The following RAB2B variants were observed in gnomAD, a reference collection of about 807,000 sequenced individuals.
RAB2B encodes the protein RAB2B, member RAS oncogene family, also known as ras-related protein Rab-2B.
RAB2B carries 20 observed loss-of-function variants against 29.8 expected under a neutral mutation model. The observed-to-expected ratio is 0.67, with a 90% CI of 0.47 to 0.97. The LOEUF (loss-of-function observed/expected upper bound fraction) is 0.97. Among genes scored for constraint, RAB2B ranks in the 50% least tolerant of loss-of-function variants. The pLI is 0.00. For missense variants in RAB2B, 218 were observed against 272.0 expected, an observed-to-expected ratio of 0.80 and a Z score of 1.40; for synonymous variants, 93 against 91.7, an observed-to-expected ratio of 1.01 and a Z score of -0.08.
In RAB2B at chr14:21,459,311, G is replaced by T. The variant is rs906225162; in HGVS notation, c.*1885C>A. 1.3e-5 allele frequency: 2 copies of T among 152,204 alleles called. No individual in the cohort carries two copies. The highest frequency in any genetic ancestry group is 4.8e-5 in the African/African-American group (2 of 41,436). The allele number at this position is 152,204 out of a possible 1,614,324, so 9.4% of individuals were successfully genotyped here. ...TCATGGAATGGAGGCAAAAAGCCAG[G>T]GAAAGGTGGGAGGGGAGAAGGAAGA... On this transcript the variant is annotated 3_prime_UTR_variant, in exon 8 of 8. Transcript: ENST00000397762.
At chr14:21,474,211 G>C (rs535867636) in intron 3 of RAB2B, among the ~76,000 whole-genome samples, 3 of 152,178 alleles carry the variant, frequency 2.0e-5, no homozygotes, top group African/African-American at 7.2e-5. Context: ...AATGCTCAGT[G>C]AAATTCTGCA....
At position 21,461,229 on chromosome 14, in the gene RAB2B, A is replaced by G. The variant is rs1566465246; in HGVS notation, c.618T>C (p.Ser206=). ...SVGPSASQRN[S]RDIGSNSGCC is the part of the protein sequence containing the mutation. ...AGCCAGAGTTGGACCCTATGTCACG[A>G]GAGTTCCGCTGGGAGGCACTGGGTC... Residue 206 remains serine, a synonymous_variant, in exon 8 of 8, where the codon TCT becomes TCC. Coordinates refer to ENST00000397762, the MANE Select transcript of RAB2B (RefSeq NM_032846.4). 1.9e-6 allele frequency: 3 copies of G among 1,613,842 alleles called. No individual in the cohort carries two copies. The highest frequency in any genetic ancestry group is 1.1e-5 in the South Asian group (1 of 91,042).
At position 21,459,708 on chromosome 14, in the gene RAB2B, C is replaced by T. The variant is rs1249954510; in HGVS notation, c.*1488G>A. On this transcript the variant is annotated 3_prime_UTR_variant, in exon 8 of 8. Transcript: ENST00000397762. ...CTAAGGAATATTGTGTTAATAACTG[C>T]TTAGCAGTACCTAAGTCTGTTACTA... The T allele has an allele frequency of 6.5e-6, 1 of 154,660 alleles. No individual in the cohort carries two copies. The highest frequency in any genetic ancestry group is 1.9e-4 in the East Asian group (1 of 5,312). The allele number at this position is 154,660 out of a possible 1,614,324, so 9.6% of individuals were successfully genotyped here.
chr14:21,459,357 T>C lies in RAB2B; in HGVS notation c.*1839A>G, dbSNP rs530436176. 2.0e-5 allele frequency: 3 copies of C among 152,164 alleles called. No individual in the cohort carries two copies. Among genetic ancestry groups the C allele is most frequent in the Admixed American group, 2.0e-4 (3 of 15,282 alleles). The allele number at this position is 152,164 out of a possible 1,614,324, so 9.4% of individuals were successfully genotyped here. On this transcript the variant is annotated 3_prime_UTR_variant, in exon 8 of 8. Coordinates refer to ENST00000397762, the MANE Select transcript of RAB2B (RefSeq NM_032846.4). ...GAAGAGAACTGTATAAAACCCAGGGTAAACAAATGAGTGGGGCAGAATTAC... is the reference window on the plus strand; with the variant it reads ...GAAGAGAACTGTATAAAACCCAGGGCAAACAAATGAGTGGGGCAGAATTAC...
In RAB2B at chr14:21,473,798, G is replaced by T. The variant is rs1890877943; in HGVS notation, c.186+1069C>A. Among the ~76,000 whole-genome samples, 5 of 151,796 alleles carry T rather than the reference G, an allele frequency of 3.3e-5. No homozygotes were observed. The South Asian group carries it at 1.0e-3, about 31-fold the overall frequency. On this transcript the variant is annotated intron_variant, in intron 3 of 7. Coordinates refer to ENST00000397762, the MANE Select transcript of RAB2B (RefSeq NM_032846.4). ...GAGGCTGAGGCGGGCGGATCACGAGGTCAGGAGATCGAGACCATGCTGGCT... is the reference window on the plus strand; with the variant it reads ...GAGGCTGAGGCGGGCGGATCACGAGTTCAGGAGATCGAGACCATGCTGGCT...
chr14:21,470,875 C>A (rs150500770), intron 3 of RAB2B, among the ~76,000 whole-genome samples: 1 of 151,910 alleles, frequency 6.6e-6, no homozygotes. Context: ...ACTCACCAGG[C>A]GCAGTGGCTC....
chr14:21,472,508 A>C (rs1890842865), intron 3 of RAB2B, among the ~76,000 whole-genome samples: 1 of 152,220 alleles, frequency 6.6e-6, no homozygotes, highest in African/African-American at 2.4e-5. Context: ...AGACTTACCC[A>C]AAAGGCGACA....
intron 5 of RAB2B, 121 bp downstream of exon 5, chr14:21,468,235 CA>C: frequency 1.6e-5 from 11 of 695,534 alleles, no homozygotes; most frequent in Admixed American, 3.0e-5. Context: ...TTTATCACAA[CA>C]AAATTTTTTT....
chr14:21,462,297 G>T, intron 7 of RAB2B, 53 bp downstream of exon 7: 4 of 1,496,430 alleles, frequency 2.7e-6, no homozygotes, highest in Non-Finnish European at 3.7e-6. Context: ...GGAACCTCCA[G>T]TTGTATTCAG....
In RAB2B at chr14:21,460,413, T is replaced by C. The variant is rs565474262; in HGVS notation, c.*783A>G. On this transcript the variant is annotated 3_prime_UTR_variant, in exon 8 of 8. Transcript: ENST00000397762. ...CATCCTGGCCAACATGGTGAAACCC[T>C]GTCTCTACTAAAAATACAAAAATGA... 2.1e-3 allele frequency: 873 copies of C among 408,918 alleles called. 3 individuals carry two copies. Among genetic ancestry groups the C allele is most frequent in the Non-Finnish European group, 2.9e-3 (607 of 207,430 alleles). 25.3% of individuals were successfully genotyped at this position (408,918 alleles called of 1,614,324 possible).
chr14:21,468,603 GAAA>G, intron 4 of RAB2B, 64 bp downstream of exon 4: 35 of 1,081,294 alleles, frequency 3.2e-5, no homozygotes, highest in Non-Finnish European at 4.1e-5. Context: ...TCAGTAGATA[GAAA>G]AAAAAAAAAA....
Position 21,476,834 on chromosome 14 carries a change from T to C in RAB2B, c.39A>G (p.Gly13=). 2 of 1,613,216 alleles carry C rather than the reference T, an allele frequency of 1.2e-6. No individual in the cohort carries two copies. The highest frequency in any genetic ancestry group is 1.7e-6 in the Non-Finnish European group (2 of 1,179,964). ...YAYLFKYIII[G]DTGVGKSCLL... ...GAACCACCTGAGGGTTACCTGTGTC[T>C]CCGATGATGATATACTTGAAGAGAT... Residue 13 remains glycine, a synonymous_variant, in exon 1 of 8, where the codon GGA becomes GGG. Transcript: ENST00000397762.
chr14:21,465,617 C>A (rs573388995), intron 5 of RAB2B, among the ~76,000 whole-genome samples: 3 of 152,162 alleles, frequency 2.0e-5, no homozygotes, highest in African/African-American at 7.2e-5. Flanking sequence ...CTTTTAAAAT[C>A]TGATCAAGCC....
At chr14:21,469,643 G>C (rs1890760435) in intron 3 of RAB2B, among the ~76,000 whole-genome samples, 1 of 151,890 alleles carries the variant, frequency 6.6e-6, no homozygotes, top group South Asian at 2.1e-4. Context: ...CCTGTACATT[G>C]AATCTATCCT....
intron 2 of RAB2B, among the ~76,000 whole-genome samples, chr14:21,475,724 A>G (rs1890937652): frequency 6.6e-6 from 1 of 152,198 alleles, no homozygotes; most frequent in Non-Finnish European, 1.5e-5. Flanking sequence ...TCCCTTTAAA[A>G]TACCTTTTAG....
At position 21,461,172 on chromosome 14, in the gene RAB2B, A is replaced by G; in HGVS notation, c.*24T>C. 6.5e-7 allele frequency: 1 copy of G among 1,538,592 alleles called. No individual in the cohort carries two copies. The highest frequency in any genetic ancestry group is 1.1e-5 in the South Asian group (1 of 88,066). On this transcript the variant is annotated 3_prime_UTR_variant, in exon 8 of 8. Transcript: ENST00000397762. ...TTGATCTGAAGCTATTCCAGGAAGGACAAAAAAAGTTCAAGCCAGATGTTC... is the reference window on the plus strand; with the variant it reads ...TTGATCTGAAGCTATTCCAGGAAGGGCAAAAAAAGTTCAAGCCAGATGTTC...
At chr14:21,464,997 G>GC (rs1890655094) in intron 5 of RAB2B, among the ~76,000 whole-genome samples, 1 of 143,906 alleles carries the variant, frequency 6.9e-6, no homozygotes, top group South Asian at 2.1e-4. Context: ...AGACCTTGTC[G>GC]CAAAAAAAAA....
Position 21,476,589 on chromosome 14 carries a change from C to CG in RAB2B, c.56_57insC (p.Lys19AsnfsTer11). On this transcript the variant is annotated frameshift_variant, in exon 2 of 8. Transcript: ENST00000397762. LOFTEE classifies it high-confidence loss of function. Reference sequence around the variant, plus strand: ...CTGTAAACTGCAGGAGGAGACATGACTTCCCCACACCTGAAAGAGAAAGCA... The same window carrying CG: ...CTGTAAACTGCAGGAGGAGACATGACGTTCCCCACACCTGAAAGAGAAAGCA... 3 of 1,613,750 alleles carry CG rather than the reference C, an allele frequency of 1.9e-6. No homozygotes were observed. Among genetic ancestry groups the CG allele is most frequent in the Non-Finnish European group, 2.5e-6 (3 of 1,180,006 alleles).
intron 6 of RAB2B, among the ~76,000 whole-genome samples, chr14:21,463,278 G>A (rs942774796): frequency 6.6e-5 from 8 of 121,614 alleles, no homozygotes; most frequent in African/African-American, 2.3e-4. Context: ...ATGGAGTTTT[G>A]CTCTGTTGCC....
Sources: allele counts gnomAD v4.1 joint callset (sites outside exome capture counted in the v4.1 genomes callset), GRCh38; gene constraint gnomAD v4.1.1; transcripts MANE v1.5; gene names NCBI Gene and HGNC (gene_info 2026-07-23, HGNC 2026-07-21).